Variants in FER observed in about 807,000 individuals in gnomAD.
The protein encoded by FER is FER tyrosine kinase.
A neutral mutation model predicts 111.0 loss-of-function variants in FER; 63 were observed. The ratio of observed to expected loss-of-function variants is 0.57; its 90% CI spans 0.46 to 0.70. FER has a LOEUF of 0.70. Among genes scored for constraint, FER ranks in the 30% least tolerant of loss-of-function variants. The pLI is 0.00. For synonymous variants in FER, 327 were observed against 313.9 expected (o/e 1.04, Z -0.44); for missense variants, 914 against 954.0 (o/e 0.96, Z 0.55).
rs1759337066 is a variant in FER at position 109,191,004 on chromosome 5, C to T, written c.*3429C>T. The T allele has an allele frequency of 6.6e-6, 1 of 152,052 alleles. No homozygotes were observed. The highest frequency in any genetic ancestry group is 2.4e-5 in the African/African-American group (1 of 41,402). The allele number at this position is 152,052 out of a possible 1,614,324, so 9.4% of individuals were successfully genotyped here. A position where few individuals can be genotyped will look rare whatever the true frequency, so the allele number is the denominator to read the frequency against. The stretch of plus-strand genomic sequence containing the variant: ...TTTTCTATCTATATTATATTCAGTT[C>T]AGTTTTCCCATATAACTTTTGTGAA... On this transcript the variant is annotated 3_prime_UTR_variant, in exon 20 of 20. Coordinates refer to ENST00000281092, the MANE Select transcript of FER (RefSeq NM_005246.4).
intron 16 of FER, chr5:109,051,979 A>C (rs1772899700): frequency 6.3e-7 from 1 of 1,587,362 alleles, no homozygotes; most frequent in Non-Finnish European, 8.7e-7. Flanking sequence ...AGACTTGAAG[A>C]GGATACTGAT....
chr5:109,167,464 A>G (rs527622390), intron 17 of FER, among the ~76,000 whole-genome samples: 14 of 152,282 alleles, frequency 9.2e-5, no homozygotes, highest in Middle Eastern at 3.4e-3. Flanking sequence ...TCAAATAACC[A>G]GAAATGATCA....
At chr5:108,773,594 A>G (rs1753161734) in intron 2 of FER, among the ~76,000 whole-genome samples, 1 of 151,774 alleles carries the variant, frequency 6.6e-6, no homozygotes, top group South Asian at 2.1e-4. Flanking sequence ...CCATTCTATC[A>G]TTGATGGCCA....
chr5:109,150,670 A>G (rs925342749), intron 17 of FER, among the ~76,000 whole-genome samples: 1 of 152,208 alleles, frequency 6.6e-6, no homozygotes, highest in Non-Finnish European at 1.5e-5. Context: ...GGGTTCCAGG[A>G]GACAATATAT....
chr5:108,901,545 G>C (rs1323453586), intron 10 of FER, among the ~76,000 whole-genome samples: 2 of 152,132 alleles, frequency 1.3e-5, no homozygotes, highest in Non-Finnish European at 1.5e-5. Flanking sequence ...AGAAATAAAA[G>C]TGAAGCATCT....
chr5:108,893,642 A>G (rs138960022), intron 9 of FER, among the ~76,000 whole-genome samples: 23 of 152,228 alleles, frequency 1.5e-4, no homozygotes, highest in African/African-American at 5.1e-4. Context: ...TCAGCATTCT[A>G]GGTGACAGTG....
At chr5:109,068,413 A>G (rs1258927090) in intron 16 of FER, among the ~76,000 whole-genome samples, 2 of 152,106 alleles carry the variant, frequency 1.3e-5, no homozygotes, top group African/African-American at 4.8e-5. Flanking sequence ...CGAACTCCTG[A>G]CCTTGTGATC....
chr5:108,769,922 T>C (rs1010795353), intron 2 of FER, among the ~76,000 whole-genome samples: 1 of 151,700 alleles, frequency 6.6e-6, no homozygotes, highest in Admixed American at 6.6e-5. Flanking sequence ...TTTATTTTGC[T>C]TTTTTTCCAC....
intron 3 of FER, among the ~76,000 whole-genome samples, chr5:108,815,719 A>G (rs1022693153): frequency 6.6e-6 from 1 of 152,242 alleles, no homozygotes; most frequent in Non-Finnish European, 1.5e-5. Flanking sequence ...AGTGAATTGA[A>G]ATATTGGTGA....
At position 109,043,310 on chromosome 5, in the gene FER, A is replaced by G. The variant is rs915250247; in HGVS notation, c.1714-1370A>G. On this transcript the variant is annotated intron_variant, in intron 14 of 19. Transcript: ENST00000281092. ...CTCTGATGTAATAAATAATCTGACAATTGTGGGTAAAAGACAATCTCTTGA... is the reference window on the plus strand; with the variant it reads ...CTCTGATGTAATAAATAATCTGACAGTTGTGGGTAAAAGACAATCTCTTGA... Among the ~76,000 whole-genome samples the G allele has an allele frequency of 2.6e-5, 4 of 152,116 alleles. No homozygotes were observed. The East Asian group carries it at 7.7e-4, about 29-fold the overall frequency.
intron 11 of FER, among the ~76,000 whole-genome samples, chr5:108,951,447 G>A (rs1484154177): frequency 6.6e-6 from 1 of 151,948 alleles, no homozygotes; most frequent in Non-Finnish European, 1.5e-5. Flanking sequence ...CATGCTACCA[G>A]TTGAGTCTTA....
At chr5:108,892,430 T>C (rs1359503411) in intron 9 of FER, among the ~76,000 whole-genome samples, 2 of 152,178 alleles carry the variant, frequency 1.3e-5, no homozygotes, top group African/African-American at 2.4e-5. Context: ...TGATGAGCAT[T>C]TTTTTCATGT....
chr5:109,000,928 CA>C (rs941632500), intron 13 of FER, among the ~76,000 whole-genome samples: 3 of 152,144 alleles, frequency 2.0e-5, no homozygotes, highest in Non-Finnish European at 4.4e-5. Context: ...TTCCTGGACA[CA>C]TACACTCTCC....
chr5:108,852,484 C>T (rs1468921603), intron 5 of FER, among the ~76,000 whole-genome samples: 1 of 152,116 alleles, frequency 6.6e-6, no homozygotes, highest in East Asian at 1.9e-4. Flanking sequence ...TATTCAATAT[C>T]TGTATATTTT....
intron 17 of FER, among the ~76,000 whole-genome samples, chr5:109,179,637 G>A (rs957396422): frequency 6.6e-6 from 1 of 152,032 alleles, no homozygotes; most frequent in East Asian, 1.9e-4. Context: ...AAAATGGATA[G>A]TTGTGTCTGT....
chr5:109,029,784 T>G (rs982409591), intron 13 of FER, among the ~76,000 whole-genome samples: 3 of 152,196 alleles, frequency 2.0e-5, no homozygotes, highest in African/African-American at 7.2e-5. Context: ...GAAGTTTGAT[T>G]ATGATGAATC....
chr5:109,014,776 TCTC>T (rs888880909), intron 13 of FER: 3 of 152,224 alleles, frequency 2.0e-5, no homozygotes, highest in African/African-American at 7.2e-5. Context: ...GGTTTGTAGT[TCTC>T]CTTGAAGAGG....
At chr5:109,183,201 G>A (rs1440890412) in intron 18 of FER, among the ~76,000 whole-genome samples, 1 of 149,168 alleles carries the variant, frequency 6.7e-6, no homozygotes, top group Non-Finnish European at 1.5e-5. Flanking sequence ...GAGAAGTTTA[G>A]TTCCCACAGA....
rs1759305211 is a variant in FER, at chr5:109,190,477, T to C, written c.*2902T>C. 6.6e-6 allele frequency: 1 copy of C among 152,158 alleles called. No individual in the cohort carries two copies. The highest frequency in any genetic ancestry group is 2.4e-5 in the African/African-American group (1 of 41,438). 9.4% of individuals were successfully genotyped at this position (152,158 alleles called of 1,614,324 possible). A position where few individuals can be genotyped will look rare whatever the true frequency, so the allele number is the denominator to read the frequency against. ...CTCACTGGTCACTAAGGGGCCTTTA[T>C]GAGACAGTTTAGGTTGTTCATCATT... is the stretch of plus-strand genomic sequence containing the variant. On this transcript the variant is annotated 3_prime_UTR_variant, in exon 20 of 20. Transcript: ENST00000281092.
Sources: gnomAD v4.1 joint callset for allele counts (sites outside exome capture counted in the v4.1 genomes callset) on GRCh38, gnomAD v4.1.1 for gene constraint, MANE v1.5 for transcripts, NCBI Gene and HGNC (gene_info 2026-07-23, HGNC 2026-07-21) for gene names.